Variants in ARB2A observed in about 807,000 individuals in gnomAD.
The protein encoded by ARB2A is ARB2 cotranscriptional regulator A.
the ARB2A span, among the ~76,000 whole-genome samples, chr5:93,886,984 CTCA>C: frequency 6.6e-6 from 1 of 151,676 alleles, no homozygotes; most frequent in African/African-American, 2.4e-5. Flanking sequence ...CTTCAAATAG[CTCA>C]TCAAGTTAGT....
At chr5:93,971,606 A>AAATAAATG in the ARB2A span, among the ~76,000 whole-genome samples, 1 of 150,932 alleles carries the variant, frequency 6.6e-6, no homozygotes, top group Non-Finnish European at 1.5e-5. Flanking sequence ...ATAAATAAAT[A>AAATAAATG]AATAAAACAA....
At chr5:93,661,810 G>A in the ARB2A span, among the ~76,000 whole-genome samples, 167 of 152,284 alleles carry the variant, frequency 1.1e-3, no homozygotes, top group African/African-American at 4.0e-3. Flanking sequence ...AAATTTAAAT[G>A]TGTGACACCA....
At chr5:93,989,456 C>T in the ARB2A span, among the ~76,000 whole-genome samples, 2 of 152,102 alleles carry the variant, frequency 1.3e-5, no homozygotes, top group East Asian at 3.9e-4. Flanking sequence ...GATGTGATTT[C>T]TATTCCACAG....
At chr5:93,757,179 G>T in the ARB2A span, among the ~76,000 whole-genome samples, 1 of 151,802 alleles carries the variant, frequency 6.6e-6, no homozygotes, top group Non-Finnish European at 1.5e-5. Context: ...CAAAGACAAA[G>T]AAAAAAGAAT....
At chr5:93,812,678 G>A in the ARB2A span, among the ~76,000 whole-genome samples, 11 of 152,100 alleles carry the variant, frequency 7.2e-5, no homozygotes, top group African/African-American at 2.7e-4. Flanking sequence ...CATATTAGAA[G>A]TTTAATATGC....
chr5:93,672,676 G>T, the ARB2A span, among the ~76,000 whole-genome samples: 35 of 152,168 alleles, frequency 2.3e-4, no homozygotes, highest in South Asian at 5.6e-3. Flanking sequence ...AACAATTAAT[G>T]ATGGGTAAGG....
At chr5:93,899,471 T>G in the ARB2A span, among the ~76,000 whole-genome samples, 1 of 152,114 alleles carries the variant, frequency 6.6e-6, no homozygotes, top group Non-Finnish European at 1.5e-5. Flanking sequence ...AAAAAAATTT[T>G]GATTATGTAG....
chr5:93,808,759 G>T, the ARB2A span, among the ~76,000 whole-genome samples: 1 of 151,964 alleles, frequency 6.6e-6, no homozygotes, highest in South Asian at 2.1e-4. Flanking sequence ...CCATTATCAG[G>T]CCTTCAAGGG....
the ARB2A span, among the ~76,000 whole-genome samples, chr5:93,768,345 G>C: frequency 6.7e-6 from 1 of 150,192 alleles, no homozygotes; most frequent in Non-Finnish European, 1.5e-5. Context: ...AATAACCTAT[G>C]GGAAAAAAAA....
At chr5:93,641,551 C>A in the ARB2A span, among the ~76,000 whole-genome samples, 1 of 152,054 alleles carries the variant, frequency 6.6e-6, no homozygotes, top group Non-Finnish European at 1.5e-5. Flanking sequence ...CAATTTATAT[C>A]CATCAGTAGA....
At chr5:93,953,441 A>T in the ARB2A span, among the ~76,000 whole-genome samples, 1 of 152,008 alleles carries the variant, frequency 6.6e-6, no homozygotes, top group Non-Finnish European at 1.5e-5. Flanking sequence ...TTGGTTTTGG[A>T]TAAGATCTGG....
the ARB2A span, among the ~76,000 whole-genome samples, chr5:93,937,304 A>AAG: frequency 6.6e-6 from 1 of 151,078 alleles, no homozygotes; most frequent in Non-Finnish European, 1.5e-5. Context: ...GTTAGAGAGA[A>AAG]AGAGAGAGAG....
chr5:94,052,020 T>C, the ARB2A span, among the ~76,000 whole-genome samples: 1 of 151,984 alleles, frequency 6.6e-6, no homozygotes, highest in Non-Finnish European at 1.5e-5. Context: ...GAGGTTTCAC[T>C]ATGCTGTCCA....
the ARB2A span, among the ~76,000 whole-genome samples, chr5:93,744,739 T>C: frequency 6.6e-6 from 1 of 152,184 alleles, no homozygotes; most frequent in East Asian, 1.9e-4. Flanking sequence ...AGGCAGTTGA[T>C]GGGAATGCCC....
At chr5:94,074,738 A>G in the ARB2A span, 3 of 1,612,034 alleles carry the variant, frequency 1.9e-6, no homozygotes, top group Admixed American at 3.3e-5. Context: ...TAAAGAGCTC[A>G]AGGAAATAGA....
the ARB2A span, among the ~76,000 whole-genome samples, chr5:94,040,942 T>C: frequency 2.0e-5 from 3 of 152,122 alleles, no homozygotes; most frequent in African/African-American, 7.2e-5. Flanking sequence ...AAAGATAACT[T>C]TCCTCTGTGT....
chr5:93,883,920 CACAT>C, the ARB2A span, among the ~76,000 whole-genome samples: 65 of 104,862 alleles, frequency 6.2e-4, no homozygotes, highest in East Asian at 1.9e-3. Context: ...CATACACATA[CACAT>C]ACACACACAC....
chr5:93,767,347 T>C, the ARB2A span, among the ~76,000 whole-genome samples: 4 of 152,166 alleles, frequency 2.6e-5, no homozygotes, highest in Non-Finnish European at 4.4e-5. Flanking sequence ...ACCTTACTCC[T>C]GCAAGAACGG....
chr5:93,780,148 C>T, the ARB2A span, among the ~76,000 whole-genome samples: 1 of 152,116 alleles, frequency 6.6e-6, no homozygotes, highest in Non-Finnish European at 1.5e-5. Flanking sequence ...GCTTTAAAGG[C>T]TGATTTTTAA....
Sources: gnomAD v4.1 joint callset for allele counts (sites outside exome capture counted in the v4.1 genomes callset) on GRCh38, gnomAD v4.1.1 for gene constraint, MANE v1.5 for transcripts, NCBI Gene and HGNC (gene_info 2026-07-23, HGNC 2026-07-21) for gene names.